Variants in BDP1 observed in about 807,000 individuals in gnomAD.
BDP1 encodes BDP1 general transcription factor IIIB subunit, also known as transcription factor TFIIIB component B'' homolog.
A neutral mutation model predicts 266.6 loss-of-function variants in BDP1; 169 were observed. The ratio of observed to expected loss-of-function variants is 0.63; its 90% confidence interval spans 0.56 to 0.72. BDP1 has a LOEUF of 0.72. Among genes scored for constraint, BDP1 ranks in the 30% least tolerant of loss-of-function variants. BDP1 has a pLI of 0.00. For synonymous variants in BDP1, 1,090 were observed against 1,022.4 expected, an observed-to-expected ratio of 1.07 and a Z score of -1.26; for missense variants, 3,015 against 3,053.8, an observed-to-expected ratio of 0.99 and a Z score of 0.30.
At position 71,517,789 on chromosome 5, in the gene BDP1, C is replaced by T. The variant is rs368100455; in HGVS notation, c.4991+337C>T. ...ATCTTTTTTAGAAATTTAGGCCAGG[C>T]GCAGTGGTTCACGCCTGTAATCTCC... On this transcript the variant is annotated intron_variant, in intron 22 of 38. Transcript: ENST00000358731. Among the ~76,000 whole-genome samples the T allele has an allele frequency of 9.2e-5, 14 of 152,012 alleles. No individual in the cohort carries two copies. In the East Asian group the frequency reaches 1.5e-3, roughly 17 times the overall value.
intron 9 of BDP1, among the ~76,000 whole-genome samples, chr5:71,488,137 T>C (rs1422801100): frequency 6.6e-6 from 1 of 152,198 alleles, no homozygotes. Flanking sequence ...GTAAGAACTT[T>C]TTTTTTGAGA....
intron 19 of BDP1, among the ~76,000 whole-genome samples, chr5:71,513,981 C>T (rs752342261): frequency 2.4e-4 from 36 of 151,864 alleles, no homozygotes; most frequent in Non-Finnish European, 4.4e-4. Flanking sequence ...CTTTGGCCTC[C>T]CAAAGTGCTG....
intron 36 of BDP1, among the ~76,000 whole-genome samples, chr5:71,557,358 G>A (rs937884806): frequency 1.4e-4 from 20 of 143,948 alleles, no homozygotes; most frequent in Admixed American, 1.2e-3. Context: ...ACAGGCATGC[G>A]CCACTATGCC....
intron 7 of BDP1, among the ~76,000 whole-genome samples, chr5:71,480,873 G>GT (rs1203086398): frequency 4.6e-5 from 7 of 151,998 alleles, no homozygotes; most frequent in Non-Finnish European, 7.4e-5. Context: ...CCAACCGTGA[G>GT]TTTTTTTGAA....
At chr5:71,462,567 AAC>A (rs1761644039) in intron 3 of BDP1, among the ~76,000 whole-genome samples, 1 of 152,084 alleles carries the variant, frequency 6.6e-6, no homozygotes, top group African/African-American at 2.4e-5. Context: ...CAGCCCGGGC[AAC>A]ATGGTGAAAC....
chr5:71,511,026 G>C lies in BDP1; in HGVS notation c.3934G>C (p.Gly1312Arg). The change falls in exon 17 of 39, where the codon GGA (glycine) becomes CGA (arginine). Residue 1312 changes from glycine (G) to arginine (R), a missense_variant. Coordinates refer to ENST00000358731, the MANE Select transcript of BDP1 (RefSeq NM_018429.3). ...AAAGGTGGCAGAATTGAAACAAACT[G>C]GAAAAACAGACATTTCTCCAAGGGA... is the stretch of plus-strand genomic sequence containing the variant. ...EEKVAELKQT[G>R]KTDISPRENE... The C allele has an allele frequency of 6.2e-7, 1 of 1,614,060 alleles. No individual in the cohort carries two copies. The highest frequency in any genetic ancestry group is 1.1e-5 in the South Asian group (1 of 91,066).
intron 26 of BDP1, among the ~76,000 whole-genome samples, chr5:71,535,443 G>A (rs1397389052): frequency 6.6e-6 from 1 of 152,086 alleles, no homozygotes; most frequent in African/African-American, 2.4e-5. Context: ...GACCTCAGGT[G>A]ATCTGCCCAC....
chr5:71,470,463 C>A lies in BDP1; in HGVS notation c.988C>A (p.Pro330Thr), dbSNP rs778627750. 1 of 1,611,312 alleles carries A rather than the reference C, an allele frequency of 6.2e-7. No homozygotes were observed. The highest frequency in any genetic ancestry group is 8.5e-7 in the Non-Finnish European group (1 of 1,178,342). The stretch of plus-strand genomic sequence containing the variant: ...CTTTTCTATGATCGGACAACTTTTT[C>A]CTCACAGAGCAAGGATAGAAATTAA... ...TDFSMIGQLF[P>T]HRARIEIKNK... The change falls in exon 7 of 39, where the codon CCT becomes ACT. Residue 330 changes from proline (P) to threonine (T), a missense_variant. Coordinates refer to ENST00000358731, the MANE Select transcript of BDP1 (RefSeq NM_018429.3).
intron 11 of BDP1, among the ~76,000 whole-genome samples, chr5:71,491,379 G>A (rs1763581827): frequency 6.6e-6 from 1 of 151,562 alleles, no homozygotes; most frequent in Admixed American, 6.6e-5. Flanking sequence ...TGTTTACTTT[G>A]CTATTGTAGC....
chr5:71,534,546 A>G (rs966891211), intron 26 of BDP1, among the ~76,000 whole-genome samples: 3 of 151,622 alleles, frequency 2.0e-5, no homozygotes, highest in Admixed American at 2.0e-4. Flanking sequence ...GTCGCCCAGG[A>G]TGGAGTGCAG....
At chr5:71,493,253 A>G (rs1763696217) in intron 11 of BDP1, among the ~76,000 whole-genome samples, 1 of 152,164 alleles carries the variant, frequency 6.6e-6, no homozygotes, top group African/African-American at 2.4e-5. Context: ...ACTTTTTCTA[A>G]TTTTTAAAAT....
Position 71,564,915 on chromosome 5 carries a change from T to C in BDP1, c.*30T>C, listed in dbSNP as rs776802440. On this transcript the variant is annotated 3_prime_UTR_variant, in exon 39 of 39. Transcript: ENST00000358731. ...ATCTTTTCTCTTTTTCTTTTTTAAATTAGGTCTAGGATTTCCAGAGTCAAT... is the reference window on the plus strand; with the variant it reads ...ATCTTTTCTCTTTTTCTTTTTTAAACTAGGTCTAGGATTTCCAGAGTCAAT... 5.7e-6 allele frequency: 9 copies of C among 1,567,336 alleles called. No individual in the cohort carries two copies. The highest frequency in any genetic ancestry group is 7.8e-6 in the Non-Finnish European group (9 of 1,159,270).
At chr5:71,484,031 T>C in intron 8 of BDP1, 135 bp downstream of exon 8, 1 of 709,804 alleles carries the variant, frequency 1.4e-6, no homozygotes, top group Non-Finnish European at 2.4e-6. Flanking sequence ...GTCTGAAATT[T>C]TTCTGTTTAG....
At position 71,525,467 on chromosome 5, in the gene BDP1, C is replaced by T. The variant is rs1271209042; in HGVS notation, c.5772+1144C>T. On this transcript the variant is annotated intron_variant, in intron 25 of 38. Transcript: ENST00000358731. ...TGACACCCCCCACCTCCCTCCCGGA[C>T]GGGGCGGCTGGCCGGGCGGGGGGCT... 1.4e-4 allele frequency among the ~76,000 whole-genome samples: 16 copies of T among 116,368 alleles called. 1 individual carries two copies. The highest frequency in any genetic ancestry group is 2.5e-4 in the Non-Finnish European group (14 of 56,280). 76.3% of individuals were successfully genotyped at this position (116,368 alleles called of 152,430 possible).
At chr5:71,519,885 T>G (rs1765410741) in intron 22 of BDP1, among the ~76,000 whole-genome samples, 1 of 152,178 alleles carries the variant, frequency 6.6e-6, no homozygotes, top group Non-Finnish European at 1.5e-5. Flanking sequence ...TTGAGGAACT[T>G]TCATACTTTT....
At chr5:71,564,693 CATATATATATAA>C in intron 38 of BDP1, 49 bp from the exon 39 acceptor site, 1 of 1,339,886 alleles carries the variant, frequency 7.5e-7, no homozygotes, top group South Asian at 1.3e-5. Context: ...TATACACACA[CATATATATATAA>C]ATGTTGTATT....
intron 7 of BDP1, among the ~76,000 whole-genome samples, chr5:71,475,283 A>T (rs989397837): frequency 6.6e-5 from 10 of 151,930 alleles, no homozygotes; most frequent in Admixed American, 1.3e-4. Context: ...AATTAAAAAA[A>T]TTTTTTTGTA....
chr5:71,515,570 A>T (rs1379512337), intron 20 of BDP1, among the ~76,000 whole-genome samples: 2 of 152,206 alleles, frequency 1.3e-5, no homozygotes, highest in Non-Finnish European at 2.9e-5. Context: ...AGCATTTTGG[A>T]TAGGGCTACT....
chr5:71,502,467 C>T, intron 14 of BDP1, 132 bp from the exon 15 acceptor site: 1 of 838,696 alleles, frequency 1.2e-6, no homozygotes, highest in Non-Finnish European at 1.8e-6. Context: ...AGCCACTGCG[C>T]CCGGGCGGAT....
Sources: allele counts gnomAD v4.1 joint callset (sites outside exome capture counted in the v4.1 genomes callset), GRCh38; gene constraint gnomAD v4.1.1; transcripts MANE v1.5; gene names NCBI Gene and HGNC (gene_info 2026-07-23, HGNC 2026-07-21).